The following MAP2K1 variants were observed in gnomAD, a reference collection of about 807,000 sequenced individuals.
The protein encoded by MAP2K1 is dual specificity mitogen-activated protein kinase kinase 1.
MAP2K1 carries 16 observed loss-of-function variants against 46.3 expected under a neutral mutation model. That is an observed-to-expected ratio of 0.35 (90% CI 0.23 to 0.52). MAP2K1 has a LOEUF of 0.52. Ranked by LOEUF, MAP2K1 falls within the 20% of genes least tolerant of loss-of-function variation. The pLI, the probability that MAP2K1 is intolerant of heterozygous loss-of-function variation, is 0.94. For synonymous variants in MAP2K1, 183 were observed against 185.6 expected, an observed-to-expected ratio of 0.99 and a Z score of 0.11; for missense variants, 263 against 497.1, an observed-to-expected ratio of 0.53 and a Z score of 4.48.
Position 66,470,613 on chromosome 15 carries a change from C to T in MAP2K1, c.569-11142C>T, listed in dbSNP as rs928506849. ...TCCAAATTTTGGGAGATCGGGGATT[C>T]TCTGGAGGAGGTGCTTCCAGGCGTC... On this transcript the variant is annotated intron_variant, in intron 5 of 10. Transcript: ENST00000307102. 7.2e-5 allele frequency among the ~76,000 whole-genome samples: 11 copies of T among 152,206 alleles called. 1 individual carries two copies. Among genetic ancestry groups the T allele is most frequent in the African/African-American group, 1.4e-4 (6 of 41,454 alleles).
rs181832413 is a variant in MAP2K1, at chr15:66,448,818, A to G, written c.568+4111A>G. On this transcript the variant is annotated intron_variant, in intron 5 of 10. Transcript: ENST00000307102. ...GGAGTTCAAGACCAGCCTGGCCAAC[A>G]TGGTGAAACCCCCGTCTCTACTAAA... Among the ~76,000 whole-genome samples the G allele has an allele frequency of 3.1e-3, 479 of 152,176 alleles. 4 individuals carry two copies. The highest frequency in any genetic ancestry group is 0.011 in the African/African-American group (463 of 41,532).
In MAP2K1 at chr15:66,469,557, C is replaced by G. The variant is rs115612442; in HGVS notation, c.569-12198C>G. Among the ~76,000 whole-genome samples, 617 of 128,224 alleles carry G rather than the reference C, an allele frequency of 4.8e-3. 3 individuals carry two copies. Among genetic ancestry groups the G allele is most frequent in the African/African-American group, 0.017 (589 of 33,852 alleles). The allele number at this position is 128,224 out of a possible 152,430, so 84.1% of individuals were successfully genotyped here. ...TAGGTTTCTCATGCAGCAGAGGGTG[C>G]AAGAGAAAGGAGAGAGAGCAGAAGT... is the stretch of plus-strand genomic sequence containing the variant. On this transcript the variant is annotated intron_variant, in intron 5 of 10. Transcript: ENST00000307102.
At chr15:66,424,555 C>T (rs2093452134) in intron 1 of MAP2K1, among the ~76,000 whole-genome samples, 1 of 152,112 alleles carries the variant, frequency 6.6e-6, no homozygotes, top group African/African-American at 2.4e-5. Context: ...CAAATTTCTC[C>T]AGTAATGGGT....
At chr15:66,434,785 A>AT (rs1329292288) in intron 1 of MAP2K1, among the ~76,000 whole-genome samples, 2 of 152,106 alleles carry the variant, frequency 1.3e-5, no homozygotes, top group African/African-American at 2.4e-5. Context: ...GAAAGACCTA[A>AT]TTTTTTCACT....
At position 66,460,764 on chromosome 15, in the gene MAP2K1, A is replaced by G. The variant is rs768323034; in HGVS notation, c.568+16057A>G. Among the ~76,000 whole-genome samples the G allele has an allele frequency of 6.8e-4, 103 of 151,958 alleles. 1 individual carries two copies. Among genetic ancestry groups the G allele is most frequent in the Non-Finnish European group, 1.2e-3 (84 of 67,972 alleles). On this transcript the variant is annotated intron_variant, in intron 5 of 10. Transcript: ENST00000307102. ...GGCCGTTGCTATGGGCCAGTGAGAG[A>G]TAAGGGGGGGTCTGAGTTAGGATAG... is the stretch of plus-strand genomic sequence containing the variant.
chr15:66,488,536 A>C (rs1409875229), intron 8 of MAP2K1: 1 of 153,458 alleles, frequency 6.5e-6, no homozygotes, highest in African/African-American at 2.4e-5. Flanking sequence ...ACTGCATGGA[A>C]CGCCATGAGC....
At chr15:66,444,987 C>T (rs980437906) in intron 5 of MAP2K1, 17 of 465,728 alleles carry the variant, frequency 3.7e-5, no homozygotes, top group Non-Finnish European at 4.3e-5. Context: ...ACCCAGTCTC[C>T]GGTGTCACTA....
intron 3 of MAP2K1, among the ~76,000 whole-genome samples, chr15:66,441,003 C>G (rs1202673835): frequency 6.6e-6 from 1 of 152,114 alleles, no homozygotes; most frequent in Non-Finnish European, 1.5e-5. Context: ...TGCTCTGTTG[C>G]CCAGGCTGGA....
intron 5 of MAP2K1, among the ~76,000 whole-genome samples, chr15:66,467,944 T>C (rs536670895): frequency 1.2e-4 from 19 of 152,342 alleles, no homozygotes; most frequent in African/African-American, 4.3e-4. Context: ...TTATAATATT[T>C]GGCAGGGATA....
intron 5 of MAP2K1, among the ~76,000 whole-genome samples, chr15:66,448,170 A>G (rs1383950389): frequency 6.6e-6 from 1 of 151,578 alleles, no homozygotes; most frequent in Non-Finnish European, 1.5e-5. Flanking sequence ...AAAAAAAAAA[A>G]AAACCCACTA....
chr15:66,484,460 C>T (rs1220945819), intron 6 of MAP2K1, among the ~76,000 whole-genome samples: 1 of 152,126 alleles, frequency 6.6e-6, no homozygotes, highest in Non-Finnish European at 1.5e-5. Flanking sequence ...AGCAGCAGCC[C>T]CATTTTATAG....
intron 4 of MAP2K1, among the ~76,000 whole-genome samples, chr15:66,443,757 C>T: frequency 6.6e-6 from 1 of 152,064 alleles, no homozygotes; most frequent in East Asian, 1.9e-4. Context: ...CGTGTAGTCC[C>T]AGCTACTTGG....
intron 6 of MAP2K1, among the ~76,000 whole-genome samples, chr15:66,482,080 G>A (rs1374366839): frequency 6.6e-6 from 1 of 152,132 alleles, no homozygotes; most frequent in Non-Finnish European, 1.5e-5. Context: ...GCATAACTGG[G>A]ATATTGGGGC....
intron 1 of MAP2K1, among the ~76,000 whole-genome samples, chr15:66,406,882 A>G (rs1427834241): frequency 1.4e-4 from 21 of 152,168 alleles, no homozygotes. Context: ...AATACAAAAA[A>G]TTAGCCGGGC....
Position 66,401,967 on chromosome 15 carries a change from T to C in MAP2K1, c.80+14540T>C, listed in dbSNP as rs900238469. The C allele has an allele frequency of 4.5e-6, 6 of 1,345,152 alleles. No individual in the cohort carries two copies. In the African/African-American group the frequency reaches 5.9e-5, roughly 13 times the overall value. The allele number at this position is 1,345,152 out of a possible 1,614,324, so 83.3% of individuals were successfully genotyped here. On this transcript the variant is annotated intron_variant, in intron 1 of 10. Coordinates refer to ENST00000307102, the MANE Select transcript of MAP2K1 (RefSeq NM_002755.4). ...GGAGAGGTAGGCTGAGGTGGTTTTG[T>C]GGTTCCAGGCTGAACATTTTGAAAA...
intron 7 of MAP2K1, among the ~76,000 whole-genome samples, chr15:66,486,123 ACTCCTGGGCTCAAGTGATC>A (rs528094121): frequency 6.6e-6 from 1 of 151,926 alleles, no homozygotes; most frequent in Admixed American, 6.5e-5. Flanking sequence ...CTGGTCTGGA[ACTCCTGGGCTCAAGTGATC>A]CTCCTGCCTT....
chr15:66,479,563 T>A (rs1035125652), intron 5 of MAP2K1, among the ~76,000 whole-genome samples: 1 of 152,132 alleles, frequency 6.6e-6, no homozygotes, highest in African/African-American at 2.4e-5. Context: ...CTGACTTGGG[T>A]CTGCACACTG....
intron 5 of MAP2K1, among the ~76,000 whole-genome samples, chr15:66,473,929 G>A (rs1739293844): frequency 6.6e-6 from 1 of 152,088 alleles, no homozygotes. Flanking sequence ...CAATTCACCC[G>A]CCCTAGCCTC....
In MAP2K1 at chr15:66,462,518, A is replaced by G. The variant is rs978351105; in HGVS notation, c.568+17811A>G. On this transcript the variant is annotated intron_variant, in intron 5 of 10. Coordinates refer to ENST00000307102, the MANE Select transcript of MAP2K1 (RefSeq NM_002755.4). Reference sequence around the variant, plus strand: ...TCTCAAAAAAAAAAAAAAAAAAAAGATTGGTAAAAAAATGGATTATTGTTG... The same window carrying G: ...TCTCAAAAAAAAAAAAAAAAAAAAGGTTGGTAAAAAAATGGATTATTGTTG... Among the ~76,000 whole-genome samples the G allele has an allele frequency of 5.3e-4, 77 of 146,064 alleles. 2 individuals are homozygous for G. Among genetic ancestry groups the G allele is most frequent in the Admixed American group, 6.8e-5 (1 of 14,654 alleles).
Sources: allele counts gnomAD v4.1 joint callset (sites outside exome capture counted in the v4.1 genomes callset), GRCh38; gene constraint gnomAD v4.1.1; transcripts MANE v1.5; gene names NCBI Gene and HGNC (gene_info 2026-07-23, HGNC 2026-07-21).